GRID1: variants seen among roughly 807,000 people sequenced by gnomAD.
GRID1 encodes the protein glutamate ionotropic receptor delta type subunit 1.
A neutral mutation model predicts 98.0 loss-of-function variants in GRID1; 28 were observed. That is an observed-to-expected ratio of 0.29 (90% CI 0.21 to 0.39). The LOEUF (loss-of-function observed/expected upper bound fraction) is 0.39, where lower values mean the gene tolerates loss of function less well. GRID1 is among the 10% of genes least tolerant of loss of function. The probability of loss-of-function intolerance (pLI) is 1.00; values close to 1 mark genes in which losing one functional copy is unlikely to be tolerated. For synonymous variants in GRID1, 553 were observed against 538.5 expected, an observed-to-expected ratio of 1.03 and a Z score of -0.37; for missense variants, 1,111 against 1,340.5, an observed-to-expected ratio of 0.83 and a Z score of 2.67.
intron 15 of GRID1, among the ~76,000 whole-genome samples, chr10:85,612,533 A>G (rs555312863): frequency 2.0e-5 from 3 of 152,206 alleles, no homozygotes; most frequent in Admixed American, 1.3e-4. Flanking sequence ...GTTTATATCC[A>G]TCTGCACCCA....
intron 12 of GRID1, among the ~76,000 whole-genome samples, chr10:85,694,989 G>C (rs1173678650): frequency 6.6e-6 from 1 of 151,944 alleles, no homozygotes; most frequent in Non-Finnish European, 1.5e-5. Flanking sequence ...ATAGAGGAAA[G>C]TGGAGGGAAG....
At chr10:85,852,769 C>T (rs1187292696) in intron 8 of GRID1, among the ~76,000 whole-genome samples, 1 of 152,084 alleles carries the variant, frequency 6.6e-6, no homozygotes, top group African/African-American at 2.4e-5. Context: ...CCACTCATGC[C>T]CATCCCCTCA....
intron 4 of GRID1, among the ~76,000 whole-genome samples, chr10:85,972,682 AT>A (rs1381928799): frequency 6.6e-6 from 1 of 151,860 alleles, no homozygotes; most frequent in Non-Finnish European, 1.5e-5. Context: ...GTTGTTTCCA[AT>A]TGTTCAGTAT....
chr10:85,602,269 G>C lies in GRID1; in HGVS notation c.*4C>G, dbSNP rs780472693. The C allele has an allele frequency of 2.0e-6, 3 of 1,496,802 alleles. No individual in the cohort carries two copies. The highest frequency in any genetic ancestry group is 2.7e-6 in the Non-Finnish European group (3 of 1,123,584). The allele number at this position is 1,496,802 out of a possible 1,614,324, so 92.7% of individuals were successfully genotyped here. On this transcript the variant is annotated 3_prime_UTR_variant, in exon 16 of 16. Transcript: ENST00000327946. ...GAGGGTGGGCAGGAGGGCAGGCGGC[G>C]CAGTCAGATGGAGGTCCCGTGGGAG...
intron 2 of GRID1, among the ~76,000 whole-genome samples, chr10:86,259,224 T>C (rs1449311364): frequency 1.3e-5 from 2 of 152,254 alleles, no homozygotes; most frequent in Non-Finnish European, 2.9e-5. Context: ...GCAAGTGGCC[T>C]AGCCTAGCCT....
intron 2 of GRID1, among the ~76,000 whole-genome samples, chr10:86,270,839 A>C (rs1044689860): frequency 6.6e-6 from 1 of 152,198 alleles, no homozygotes; most frequent in Non-Finnish European, 1.5e-5. Flanking sequence ...TTTTCAAGAC[A>C]TTGGAGAGAA....
rs188105451 is a variant in GRID1 at position 86,218,772 on chromosome 10, T to C, written c.236-12124A>G. ...TCCTCTGATGTCACTTTCTGCTTTA[T>C]ATGTGATTGCAGCTCAGTGTCATTG... On this transcript the variant is annotated intron_variant, in intron 2 of 15. Transcript: ENST00000327946. 1.4e-3 allele frequency among the ~76,000 whole-genome samples: 216 copies of C among 152,308 alleles called. 6 individuals are homozygous for C. The highest frequency in any genetic ancestry group is 2.6e-4 in the Admixed American group (4 of 15,306).
intron 13 of GRID1, among the ~76,000 whole-genome samples, chr10:85,644,359 C>T (rs1044800744): frequency 2.0e-5 from 3 of 152,226 alleles, no homozygotes; most frequent in African/African-American, 4.8e-5. Flanking sequence ...TTCTCTGCTG[C>T]TCTGGCTCTC....
At chr10:86,033,086 A>G (rs1843209526) in intron 4 of GRID1, among the ~76,000 whole-genome samples, 1 of 152,078 alleles carries the variant, frequency 6.6e-6, no homozygotes, top group Non-Finnish European at 1.5e-5. Flanking sequence ...AAGACAGAGA[A>G]GCTGGAATAG....
chr10:85,980,119 C>A (rs1842526166), intron 4 of GRID1, among the ~76,000 whole-genome samples: 2 of 152,234 alleles, frequency 1.3e-5, no homozygotes, highest in Admixed American at 1.3e-4. Flanking sequence ...CCCCTTCCTC[C>A]TTCCCCACCT....
At chr10:85,977,864 G>A (rs1408326428) in intron 4 of GRID1, among the ~76,000 whole-genome samples, 1 of 152,108 alleles carries the variant, frequency 6.6e-6, no homozygotes, top group African/African-American at 2.4e-5. Flanking sequence ...CACTAATCAT[G>A]CCCTGATGGA....
At position 85,600,530 on chromosome 10, in the gene GRID1, T is replaced by G. The variant is rs1481766043; in HGVS notation, c.*1743A>C. ...TATAGAAGAAGCAATCAATAGGACT[T>G]TGTATTTCTCCATGATCACAGAACC... On this transcript the variant is annotated 3_prime_UTR_variant, in exon 16 of 16. Transcript: ENST00000327946. The G allele has an allele frequency of 6.6e-6, 1 of 152,190 alleles. No individual in the cohort carries two copies. Among genetic ancestry groups the G allele is most frequent in the African/African-American group, 2.4e-5 (1 of 41,434 alleles). The allele number at this position is 152,190 out of a possible 1,614,324, so 9.4% of individuals were successfully genotyped here.
chr10:86,014,924 C>T (rs2131883327), intron 4 of GRID1, among the ~76,000 whole-genome samples: 1 of 152,336 alleles, frequency 6.6e-6, no homozygotes, highest in Non-Finnish European at 1.5e-5. Context: ...GTTTACTGTC[C>T]TCTCTGCCAG....
At chr10:85,914,500 G>T (rs1241166773) in intron 5 of GRID1, among the ~76,000 whole-genome samples, 1 of 152,040 alleles carries the variant, frequency 6.6e-6, no homozygotes, top group Non-Finnish European at 1.5e-5. Context: ...AACAGGAGGC[G>T]GCAGTCATGT....
intron 4 of GRID1, among the ~76,000 whole-genome samples, chr10:86,035,573 A>G (rs1843249693): frequency 6.6e-6 from 1 of 152,154 alleles, no homozygotes; most frequent in South Asian, 2.1e-4. Context: ...CTGGCAGCAC[A>G]GAGCAGGTCT....
At chr10:85,775,578 A>G (rs1842322991) in intron 8 of GRID1, among the ~76,000 whole-genome samples, 1 of 152,178 alleles carries the variant, frequency 6.6e-6, no homozygotes, top group African/African-American at 2.4e-5. Flanking sequence ...AGAACTAACT[A>G]TTGGGTACTA....
intron 4 of GRID1, among the ~76,000 whole-genome samples, chr10:86,081,042 C>T (rs777050134): frequency 1.4e-4 from 21 of 152,172 alleles, no homozygotes; most frequent in Non-Finnish European, 2.6e-4. Flanking sequence ...GGAGGATGGG[C>T]GGTGATCACT....
chr10:85,604,070 C>T (rs1046210498), intron 15 of GRID1, among the ~76,000 whole-genome samples: 1 of 152,142 alleles, frequency 6.6e-6, no homozygotes, highest in African/African-American at 2.4e-5. Flanking sequence ...GAGCCCTGAC[C>T]AGATGAGTGC....
At chr10:86,108,388 G>A (rs968016188) in intron 4 of GRID1, among the ~76,000 whole-genome samples, 3 of 152,200 alleles carry the variant, frequency 2.0e-5, no homozygotes, top group African/African-American at 7.2e-5. Context: ...TCAGAAAAGT[G>A]GTAAGCCTCA....
Sources: allele counts gnomAD v4.1 joint callset (sites outside exome capture counted in the v4.1 genomes callset), GRCh38; gene constraint gnomAD v4.1.1; transcripts MANE v1.5; gene names NCBI Gene and HGNC (gene_info 2026-07-23, HGNC 2026-07-21).